Variants in AGBL4 observed in about 807,000 individuals in gnomAD.
AGBL4 encodes the protein cytosolic carboxypeptidase 6.
AGBL4 carries 58 observed loss-of-function variants against 66.4 expected under a neutral mutation model. That is an observed-to-expected ratio of 0.87 (90% CI 0.71 to 1.09). AGBL4 has a LOEUF of 1.09. AGBL4 is among the 50% of genes least tolerant of loss of function. The probability of loss-of-function intolerance (pLI) is 0.00; values close to 1 mark genes in which losing one functional copy is unlikely to be tolerated. For synonymous variants in AGBL4, 234 were observed against 222.9 expected, an observed-to-expected ratio of 1.05 and a Z score of -0.44; for missense variants, 579 against 631.0, an observed-to-expected ratio of 0.92 and a Z score of 0.88.
At chr1:49,832,693 C>T (rs1645725468) in intron 2 of AGBL4, among the ~76,000 whole-genome samples, 1 of 151,822 alleles carries the variant, frequency 6.6e-6, no homozygotes, top group African/African-American at 2.4e-5. Context: ...GCCATTCTAA[C>T]TGGTGTGAGA....
chr1:49,893,842 G>T (rs752142082), intron 1 of AGBL4, among the ~76,000 whole-genome samples: 2 of 152,198 alleles, frequency 1.3e-5, no homozygotes, highest in Admixed American at 6.5e-5. Flanking sequence ...TTCACAAACT[G>T]CTGATTATAC....
Position 49,136,766 on chromosome 1 carries a change from C to T in AGBL4, c.378-90966G>A, listed in dbSNP as rs184526197. Among the ~76,000 whole-genome samples the T allele has an allele frequency of 1.6e-3, 251 of 152,216 alleles. 2 individuals are homozygous for T. The highest frequency in any genetic ancestry group is 5.8e-3 in the African/African-American group (241 of 41,544). On this transcript the variant is annotated intron_variant, in intron 4 of 13. Coordinates refer to ENST00000371839, the MANE Select transcript of AGBL4 (RefSeq NM_032785.4). ...AAAAAACATAAATACAGAAGCTTTG[C>T]TGTGTCTATACATATGGCTGGCAAG...
At chr1:48,951,490 A>ATAGT (rs1348722857) in intron 5 of AGBL4, among the ~76,000 whole-genome samples, 1 of 152,136 alleles carries the variant, frequency 6.6e-6, no homozygotes, top group African/African-American at 2.4e-5. Context: ...CCCTAATGTG[A>ATAGT]TAGTATTAGG....
chr1:49,442,887 A>G (rs1490349328), intron 3 of AGBL4, among the ~76,000 whole-genome samples: 1 of 152,156 alleles, frequency 6.6e-6, no homozygotes, highest in Non-Finnish European at 1.5e-5. Context: ...ATAGTAATTT[A>G]CATTCCCACC....
intron 2 of AGBL4, among the ~76,000 whole-genome samples, chr1:49,701,164 T>C (rs961367980): frequency 6.6e-6 from 1 of 152,020 alleles, no homozygotes; most frequent in Non-Finnish European, 1.5e-5. Context: ...TTCATGGTGG[T>C]GCCTGTAATC....
At chr1:48,859,860 T>C (rs1222370467) in intron 6 of AGBL4, among the ~76,000 whole-genome samples, 1 of 152,212 alleles carries the variant, frequency 6.6e-6, no homozygotes, top group East Asian at 1.9e-4. Context: ...CTCACCGTGG[T>C]GTTATTTGTA....
intron 5 of AGBL4, among the ~76,000 whole-genome samples, chr1:49,029,293 T>C (rs1300635973): frequency 6.6e-6 from 1 of 152,294 alleles, no homozygotes; most frequent in East Asian, 1.9e-4. Context: ...GCAGATGATA[T>C]GATCTTGTGT....
intron 3 of AGBL4, among the ~76,000 whole-genome samples, chr1:49,544,206 C>T (rs1266969231): frequency 6.6e-6 from 1 of 152,120 alleles, no homozygotes; most frequent in Non-Finnish European, 1.5e-5. Context: ...TTGTTAAATC[C>T]TCCTTGGTTA....
intron 2 of AGBL4, among the ~76,000 whole-genome samples, chr1:49,699,198 A>G (rs571531181): frequency 2.8e-4 from 43 of 152,224 alleles, no homozygotes; most frequent in Non-Finnish European, 5.6e-4. Flanking sequence ...AGTATCAAAC[A>G]TATACTTTCT....
chr1:49,571,909 G>A (rs957958311), intron 3 of AGBL4, among the ~76,000 whole-genome samples: 4 of 152,014 alleles, frequency 2.6e-5, no homozygotes, highest in Non-Finnish European at 5.9e-5. Flanking sequence ...TGCAAGCCTG[G>A]TATAAAACCC....
At chr1:48,986,586 C>T (rs1212122535) in intron 5 of AGBL4, among the ~76,000 whole-genome samples, 1 of 151,964 alleles carries the variant, frequency 6.6e-6, no homozygotes, top group Non-Finnish European at 1.5e-5. Context: ...AGACAAAATT[C>T]AGGTTTTTCA....
intron 6 of AGBL4, among the ~76,000 whole-genome samples, chr1:48,816,046 TG>T (rs1421934214): frequency 0.29 from 307 of 1,056 alleles, 5 homozygotes; most frequent in African/African-American, 0.35. Flanking sequence ...GGAACTGTTT[TG>T]TGTGTGTGTG....
intron 4 of AGBL4, among the ~76,000 whole-genome samples, chr1:49,131,203 G>C (rs1252966107): frequency 6.6e-6 from 1 of 152,024 alleles, no homozygotes; most frequent in Admixed American, 6.6e-5. Flanking sequence ...TATAATGGTA[G>C]AATGTAGATC....
At chr1:49,590,655 C>A (rs915004672) in intron 3 of AGBL4, among the ~76,000 whole-genome samples, 1 of 151,912 alleles carries the variant, frequency 6.6e-6, no homozygotes, top group Non-Finnish European at 1.5e-5. Context: ...AATATTAAAA[C>A]AATAAGGACA....
At chr1:48,837,997 G>A (rs1370374809) in intron 6 of AGBL4, among the ~76,000 whole-genome samples, 1 of 151,852 alleles carries the variant, frequency 6.6e-6, no homozygotes, top group East Asian at 1.9e-4. Flanking sequence ...ACCAAAGAGT[G>A]GCAAGAATTA....
At chr1:49,126,054 C>T (rs1176012126) in intron 4 of AGBL4, among the ~76,000 whole-genome samples, 2 of 152,124 alleles carry the variant, frequency 1.3e-5, no homozygotes, top group African/African-American at 2.4e-5. Context: ...TCTGAAGAGA[C>T]CCACCTAAGC....
At chr1:48,967,296 A>G (rs1658524786) in intron 5 of AGBL4, among the ~76,000 whole-genome samples, 2 of 152,118 alleles carry the variant, frequency 1.3e-5, no homozygotes, top group South Asian at 4.1e-4. Context: ...TGTCACTATC[A>G]TCATAATTCT....
At chr1:49,284,209 G>A (rs551705204) in intron 3 of AGBL4, among the ~76,000 whole-genome samples, 1 of 152,238 alleles carries the variant, frequency 6.6e-6, no homozygotes, top group East Asian at 1.9e-4. Context: ...GAGAGTGGGG[G>A]CCAATATTCA....
At chr1:49,593,179 C>G (rs575363580) in intron 3 of AGBL4, among the ~76,000 whole-genome samples, 3 of 152,156 alleles carry the variant, frequency 2.0e-5, no homozygotes, top group South Asian at 4.2e-4. Flanking sequence ...GAGGCCAAGG[C>G]GGGTGGATCA....
Sources: gnomAD v4.1 joint callset for allele counts (sites outside exome capture counted in the v4.1 genomes callset) on GRCh38, gnomAD v4.1.1 for gene constraint, MANE v1.5 for transcripts, NCBI Gene and HGNC (gene_info 2026-07-23, HGNC 2026-07-21) for gene names.